The following FMN1 variants were observed in gnomAD, a reference collection of about 807,000 sequenced individuals.
FMN1 encodes formin-1.
FMN1 carries 110 observed loss-of-function variants against 132.4 expected under a neutral mutation model. That is an observed-to-expected ratio of 0.83 (90% confidence interval 0.71 to 0.97). The LOEUF is 0.97. Among genes scored for constraint, FMN1 ranks in the 50% least tolerant of loss-of-function variants. The probability of loss-of-function intolerance (pLI) is 0.00; values close to 1 mark genes in which losing one functional copy is unlikely to be tolerated. For missense variants in FMN1, 1,792 were observed against 1,705.3 expected (o/e 1.05, Z -0.90); for synonymous variants, 722 against 651.7 (o/e 1.11, Z -1.64).
At chr15:33,073,710 A>G (rs1020842821) in intron 5 of FMN1, among the ~76,000 whole-genome samples, 6 of 151,328 alleles carry the variant, frequency 4.0e-5, no homozygotes, top group African/African-American at 1.5e-4. Flanking sequence ...GACCTTAGAA[A>G]TAGTAGAAAT....
intron 6 of FMN1, among the ~76,000 whole-genome samples, chr15:33,020,416 G>A (rs1286909211): frequency 8.1e-6 from 1 of 123,386 alleles, no homozygotes; most frequent in African/African-American, 2.9e-5. Flanking sequence ...GGGAGGCCGA[G>A]GTGGGTGGAT....
chr15:32,870,668 C>T (rs1003741576), intron 16 of FMN1, among the ~76,000 whole-genome samples: 2 of 152,188 alleles, frequency 1.3e-5, no homozygotes, highest in Admixed American at 6.5e-5. Flanking sequence ...GACGCAGCCT[C>T]GGTCTGCGAG....
At chr15:33,166,626 G>A (rs1377829068) in intron 3 of FMN1, among the ~76,000 whole-genome samples, 3 of 152,136 alleles carry the variant, frequency 2.0e-5, no homozygotes, top group African/African-American at 7.2e-5. Flanking sequence ...AGGTGTGTTT[G>A]CTTCCTTTTT....
intron 4 of FMN1, among the ~76,000 whole-genome samples, chr15:33,138,336 G>A (rs1193422819): frequency 2.0e-5 from 3 of 152,154 alleles, no homozygotes; most frequent in Non-Finnish European, 2.9e-5. Context: ...CTCTGCAGCT[G>A]TTGCTCCTTA....
At chr15:33,110,171 C>T (rs2039644435) in intron 4 of FMN1, among the ~76,000 whole-genome samples, 1 of 152,048 alleles carries the variant, frequency 6.6e-6, no homozygotes, top group African/African-American at 2.4e-5. Flanking sequence ...AAAATGCAAA[C>T]ATTCTATGCA....
At chr15:32,808,271 C>T (rs2057751489) in intron 17 of FMN1, among the ~76,000 whole-genome samples, 1 of 152,224 alleles carries the variant, frequency 6.6e-6, no homozygotes, top group Admixed American at 6.5e-5. Flanking sequence ...CTCATGATAA[C>T]TAACTGCCAA....
chr15:33,084,359 A>AG (rs1362664584), intron 5 of FMN1, among the ~76,000 whole-genome samples: 1 of 152,168 alleles, frequency 6.6e-6, no homozygotes, highest in Non-Finnish European at 1.5e-5. Flanking sequence ...GAACCCGAAG[A>AG]GGGGGTCATA....
At chr15:32,862,110 A>G (rs2059283109) in intron 16 of FMN1, among the ~76,000 whole-genome samples, 1 of 152,186 alleles carries the variant, frequency 6.6e-6, no homozygotes, top group Non-Finnish European at 1.5e-5. Context: ...GGCTTATCCG[A>G]GATGCTTTCT....
At chr15:32,944,447 T>G (rs777140147) in intron 9 of FMN1, among the ~76,000 whole-genome samples, 3 of 152,248 alleles carry the variant, frequency 2.0e-5, no homozygotes, top group Non-Finnish European at 4.4e-5. Flanking sequence ...GCTTTCCACA[T>G]ACAGCTGATA....
intron 9 of FMN1, among the ~76,000 whole-genome samples, chr15:32,962,979 C>T (rs939517055): frequency 5.1e-5 from 7 of 138,206 alleles, no homozygotes; most frequent in African/African-American, 1.5e-4. Context: ...TTGACCCAGC[C>T]ATCCCATTAC....
chr15:32,771,513 G>A lies in FMN1; in HGVS notation c.*2797C>T, dbSNP rs2056243160. On this transcript the variant is annotated 3_prime_UTR_variant, in exon 21 of 21. Coordinates refer to ENST00000616417, the MANE Select transcript of FMN1 (RefSeq NM_001277313.2). ...CAAGAATCTGAACTACTGTCAAACT[G>A]TGTCCTCAGATTTAATGAATATTGT... 6.6e-6 allele frequency: 1 copy of A among 152,182 alleles called. No homozygotes were observed. The highest frequency in any genetic ancestry group is 1.5e-5 in the Non-Finnish European group (1 of 68,026). 9.4% of individuals were successfully genotyped at this position (152,182 alleles called of 1,614,324 possible). A position where few individuals can be genotyped will look rare whatever the true frequency, so the allele number is the denominator to read the frequency against.
chr15:33,154,024 T>C lies in FMN1; in HGVS notation c.891A>G (p.Glu297=). 6.5e-7 allele frequency: 1 copy of C among 1,536,348 alleles called. No homozygotes were observed. Among genetic ancestry groups the C allele is most frequent in the Non-Finnish European group, 8.7e-7 (1 of 1,146,884 alleles). ...GATGCTTCTCAGGGTCCTGGTGACT[T>C]TCAGACAAACCTGTTTGCTGATGCT... ...GLEHQQTGLS[E]SHQDPEKHPE... The change falls in exon 4 of 21, where the codon GAA becomes GAG. Residue 297 remains glutamate (E), a synonymous_variant. Coordinates refer to ENST00000616417, the MANE Select transcript of FMN1 (RefSeq NM_001277313.2).
Position 32,888,273 on chromosome 15 carries a change from C to G in FMN1, c.3734G>C (p.Ser1245Thr). The G allele has an allele frequency of 6.2e-7, 1 of 1,612,288 alleles. No homozygotes were observed. The highest frequency in any genetic ancestry group is 8.5e-7 in the Non-Finnish European group (1 of 1,179,214). The change falls in exon 16 of 21, where the codon AGT (serine) becomes ACT (threonine). Residue 1245 changes from serine to threonine, a missense_variant. Ser to Thr is a moderately conservative substitution (Grantham distance 58, BLOSUM62 1). Around this residue, in one of 3 missense-constraint regions of FMN1, gnomAD observed 1,150 missense variants for 1,043.1 expected, o/e 1.10. Transcript: ENST00000616417. Reference protein sequence around the residue: ...YYDQEAGTEKSVFPLPEPQDF... With the variant: ...YYDQEAGTEKTVFPLPEPQDF... Reference sequence around the variant, plus strand: ...CTGTGGTTCCGGCAAGGGGAAAACACTCTTTTCTGTTCCAGCTTCCTAAGA... The same window carrying G: ...CTGTGGTTCCGGCAAGGGGAAAACAGTCTTTTCTGTTCCAGCTTCCTAAGA...
intron 6 of FMN1, among the ~76,000 whole-genome samples, chr15:33,060,158 G>C (rs2037418707): frequency 7.1e-6 from 1 of 141,242 alleles, no homozygotes. Context: ...CAGGCTACAG[G>C]GGTCTATGAA....
chr15:32,793,029 G>A (rs565374114), intron 19 of FMN1, among the ~76,000 whole-genome samples: 4 of 152,198 alleles, frequency 2.6e-5, no homozygotes, highest in East Asian at 3.9e-4. Context: ...TGTGTGGTAC[G>A]AAAAAGGAAA....
At chr15:32,844,437 A>C (rs577962941) in intron 17 of FMN1, among the ~76,000 whole-genome samples, 9 of 152,224 alleles carry the variant, frequency 5.9e-5, no homozygotes, top group Non-Finnish European at 1.0e-4. Flanking sequence ...GTAATTATAG[A>C]AATAATTATA....
chr15:32,978,063 G>T (rs2140740375), intron 7 of FMN1, among the ~76,000 whole-genome samples: 1 of 152,044 alleles, frequency 6.6e-6, no homozygotes. Context: ...CACCATGTTG[G>T]CCAGGATGGT....
chr15:32,810,127 G>A (rs1294008661), intron 17 of FMN1, among the ~76,000 whole-genome samples: 1 of 152,054 alleles, frequency 6.6e-6, no homozygotes, highest in Non-Finnish European at 1.5e-5. Context: ...ATGTTGGCCA[G>A]GCTGGTCTCA....
chr15:33,039,013 C>T (rs1009311202), intron 6 of FMN1, among the ~76,000 whole-genome samples: 1 of 152,134 alleles, frequency 6.6e-6, no homozygotes, highest in Non-Finnish European at 1.5e-5. Context: ...TGAATTAAAA[C>T]AGGCTCCCCA....
Sources: gnomAD v4.1 joint callset for allele counts (sites outside exome capture counted in the v4.1 genomes callset) on GRCh38, gnomAD v4.1.1 for gene constraint, gnomAD v4.1.1 regional missense constraint, MANE v1.5 for transcripts, NCBI Gene and HGNC (gene_info 2026-07-23, HGNC 2026-07-21) for gene names.